Variants in PLEKHA2 observed in about 807,000 individuals in gnomAD.
PLEKHA2 encodes the protein pleckstrin homology domain containing A2.
A neutral mutation model predicts 53.2 loss-of-function variants in PLEKHA2; 28 were observed. That is an observed-to-expected ratio of 0.53 (90% CI 0.39 to 0.72). The LOEUF (loss-of-function observed/expected upper bound fraction) is 0.72. PLEKHA2 is among the 30% of genes least tolerant of loss of function. The pLI is 0.00. For missense variants in PLEKHA2, 426 were observed against 537.9 expected (o/e 0.79, Z 2.06); for synonymous variants, 193 against 196.4 (o/e 0.98, Z 0.14).
chr8:38,955,186 A>G (rs960903708), intron 9 of PLEKHA2, among the ~76,000 whole-genome samples: 2 of 152,142 alleles, frequency 1.3e-5, no homozygotes, highest in African/African-American at 2.4e-5. Flanking sequence ...GCCCAAATGC[A>G]TAGTCTTTTA....
chr8:38,960,305 T>G (rs1431383669), intron 10 of PLEKHA2, among the ~76,000 whole-genome samples: 1 of 152,144 alleles, frequency 6.6e-6, no homozygotes, highest in Non-Finnish European at 1.5e-5. Flanking sequence ...AAAATATTTA[T>G]CAATTCATTA....
intron 1 of PLEKHA2, among the ~76,000 whole-genome samples, chr8:38,907,828 A>ATGTG (rs2152363945): frequency 8.4e-6 from 1 of 118,656 alleles, no homozygotes; most frequent in Admixed American, 8.1e-5. Context: ...TTATGTATGT[A>ATGTG]TGTATGTATG....
At chr8:38,937,153 GC>G (rs1416431631) in intron 3 of PLEKHA2, among the ~76,000 whole-genome samples, 1 of 152,234 alleles carries the variant, frequency 6.6e-6, no homozygotes, top group Admixed American at 6.5e-5. Flanking sequence ...GGCAGACACA[GC>G]CCAGTACAAA....
intron 2 of PLEKHA2, among the ~76,000 whole-genome samples, chr8:38,922,000 T>C (rs1834202953): frequency 6.6e-6 from 1 of 152,212 alleles, no homozygotes; most frequent in Non-Finnish European, 1.5e-5. Context: ...TTTATTTCAT[T>C]CTGACAACAA....
At chr8:38,950,276 C>T (rs1340499538) in intron 5 of PLEKHA2, among the ~76,000 whole-genome samples, 1 of 152,130 alleles carries the variant, frequency 6.6e-6, no homozygotes, top group African/African-American at 2.4e-5. Context: ...TCAAGTGACC[C>T]TCCTGCCTTG....
chr8:38,936,307 T>C (rs776133011), intron 3 of PLEKHA2, among the ~76,000 whole-genome samples: 1 of 152,136 alleles, frequency 6.6e-6, no homozygotes, highest in Non-Finnish European at 1.5e-5. Context: ...TGCTCCCAGC[T>C]CCTGCGCAGG....
chr8:38,950,730 C>T lies in PLEKHA2; in HGVS notation c.346-120C>T, dbSNP rs117635705. 3.6e-3 allele frequency: 4,531 copies of T among 1,275,784 alleles called. 161 individuals are homozygous for T. In the East Asian group the frequency reaches 0.088, roughly 25 times the overall value. The allele number at this position is 1,275,784 out of a possible 1,614,324, so 79.0% of individuals were successfully genotyped here. A position where few individuals can be genotyped will look rare whatever the true frequency, so the allele number is the denominator to read the frequency against. On this transcript the variant is annotated intron_variant, in intron 5 of 11. Transcript: ENST00000617275. ...GACTGTGGAAGGCTTGGGGAGGACA[C>T]GCAAGTCTGACTGTAATTTGGCACA...
intron 2 of PLEKHA2, among the ~76,000 whole-genome samples, chr8:38,926,565 T>C (rs1333637926): frequency 1.3e-5 from 2 of 152,188 alleles, no homozygotes; most frequent in African/African-American, 2.4e-5. Flanking sequence ...CTTTATGTGT[T>C]TTCTGTAGCC....
chr8:38,928,224 C>T (rs1187060771), intron 2 of PLEKHA2, among the ~76,000 whole-genome samples: 1 of 148,482 alleles, frequency 6.7e-6, no homozygotes. Flanking sequence ...AAGCCCAGGC[C>T]TCTGACCTGG....
intron 2 of PLEKHA2, among the ~76,000 whole-genome samples, chr8:38,930,256 C>CAGTG (rs1402944123): frequency 6.6e-6 from 1 of 152,126 alleles, no homozygotes; most frequent in Non-Finnish European, 1.5e-5. Flanking sequence ...GGCTGGAGTG[C>CAGTG]AGTGGCGCAA....
At chr8:38,941,088 G>A (rs914597462) in intron 3 of PLEKHA2, among the ~76,000 whole-genome samples, 1 of 144,348 alleles carries the variant, frequency 6.9e-6, no homozygotes, top group African/African-American at 2.6e-5. Context: ...ACAGAGTCTC[G>A]CTCTGTCACC....
intron 1 of PLEKHA2, among the ~76,000 whole-genome samples, chr8:38,906,207 A>C (rs1204574457): frequency 1.3e-5 from 2 of 152,354 alleles, no homozygotes; most frequent in East Asian, 3.9e-4. Context: ...GCGTGCCTGC[A>C]CTGGTGCCCT....
At chr8:38,919,713 A>C (rs1834144625) in intron 2 of PLEKHA2, among the ~76,000 whole-genome samples, 2 of 152,250 alleles carry the variant, frequency 1.3e-5, no homozygotes, top group Non-Finnish European at 2.9e-5. Context: ...TGCGGAAAAC[A>C]TACTCAGAAA....
chr8:38,963,397 A>G, intron 10 of PLEKHA2, among the ~76,000 whole-genome samples: 1 of 152,330 alleles, frequency 6.6e-6, no homozygotes, highest in East Asian at 1.9e-4. Flanking sequence ...GACTTCAGCT[A>G]TATATATTTT....
At chr8:38,924,234 G>A (rs1250688014) in intron 2 of PLEKHA2, among the ~76,000 whole-genome samples, 2 of 152,182 alleles carry the variant, frequency 1.3e-5, no homozygotes, top group South Asian at 4.1e-4. Flanking sequence ...GGCGTTCTGA[G>A]TTGGGGAAAC....
chr8:38,940,111 A>G (rs920348651), intron 3 of PLEKHA2, among the ~76,000 whole-genome samples: 7 of 149,936 alleles, frequency 4.7e-5, no homozygotes, highest in African/African-American at 1.7e-4. Context: ...AAAAAAAAAA[A>G]AAAGGGCCAG....
chr8:38,940,279 A>C (rs1261487605), intron 3 of PLEKHA2, among the ~76,000 whole-genome samples: 1 of 151,808 alleles, frequency 6.6e-6, no homozygotes, highest in Non-Finnish European at 1.5e-5. Flanking sequence ...CGTGCCTGTA[A>C]TTCCAGCAAC....
chr8:38,936,421 A>G (rs1472413233), intron 3 of PLEKHA2, among the ~76,000 whole-genome samples: 3 of 152,230 alleles, frequency 2.0e-5, no homozygotes, highest in Non-Finnish European at 4.4e-5. Flanking sequence ...CCAAAAATCC[A>G]GCAACTGTGA....
chr8:38,953,345 C>T lies in PLEKHA2; in HGVS notation c.751C>T (p.His251Tyr), dbSNP rs1290894982. The T allele has an allele frequency of 6.2e-7, 1 of 1,613,022 alleles. No individual in the cohort carries two copies. The highest frequency in any genetic ancestry group is 8.5e-7 in the Non-Finnish European group (1 of 1,179,030). Residue 251 changes from histidine (H) to tyrosine (Y), a missense_variant, in exon 9 of 12, where the codon CAT (histidine) becomes TAT (tyrosine). By Grantham distance (83) the His-to-Tyr change is moderately conservative. Transcript: ENST00000617275. ...ATTTCTTAAGGATGTTCTGAAGACCCATGAATGTCTGGTCAAGTCTGGGTA... is the reference window on the plus strand; with the variant it reads ...ATTTCTTAAGGATGTTCTGAAGACCTATGAATGTCTGGTCAAGTCTGGGTA... ...TIFLKDVLKT[H>Y]ECLVKSGDLL...
Sources: gnomAD v4.1 joint callset for allele counts (sites outside exome capture counted in the v4.1 genomes callset) on GRCh38, gnomAD v4.1.1 for gene constraint, MANE v1.5 for transcripts, NCBI Gene and HGNC (gene_info 2026-07-23, HGNC 2026-07-21) for gene names.